The following FEZ1 variants were observed in gnomAD, a reference collection of about 807,000 sequenced individuals.
FEZ1 encodes the protein fasciculation and elongation protein zeta 1, also known as fasciculation and elongation protein zeta-1.
Under a neutral mutation model 49.3 loss-of-function variants are expected in FEZ1, and 20 were observed. That is an observed-to-expected ratio of 0.41 (90% CI 0.29 to 0.59). The LOEUF is 0.59. Among genes scored for constraint, FEZ1 ranks in the 20% least tolerant of loss-of-function variants. FEZ1 has a pLI of 0.36. For missense variants in FEZ1, 413 were observed against 476.0 expected, an observed-to-expected ratio of 0.87 and a Z score of 1.23; for synonymous variants, 170 against 180.9, an observed-to-expected ratio of 0.94 and a Z score of 0.48.
At position 125,444,389 on chromosome 11, in the gene FEZ1, C is replaced by G. The variant is rs969186789; in HGVS notation, c.*1706G>C. On this transcript the variant is annotated 3_prime_UTR_variant, in exon 10 of 10. Coordinates refer to ENST00000278919, the MANE Select transcript of FEZ1 (RefSeq NM_005103.5). ...TCGCCTGAGGTCGGGAGTTCGAGAC[C>G]AACCTGACCAACATGTAGAAACCTG... Among the ~76,000 whole-genome samples the G allele has an allele frequency of 1.3e-4, 20 of 152,156 alleles. No individual in the cohort carries two copies.
At chr11:125,456,155 C>T (rs763769811) in intron 5 of FEZ1, 49 bp from the exon 6 acceptor site, 2 of 1,516,738 alleles carry the variant, frequency 1.3e-6, no homozygotes, top group South Asian at 1.3e-5. Flanking sequence ...CACACCAGAG[C>T]CCGCTGGGGA....
intron 3 of FEZ1, among the ~76,000 whole-genome samples, chr11:125,471,958 T>C (rs1957187184): frequency 6.6e-6 from 1 of 152,118 alleles, no homozygotes; most frequent in African/African-American, 2.4e-5. Context: ...TTTAACAAGA[T>C]AGCTATAAAA....
chr11:125,455,973 C>A lies in FEZ1; in HGVS notation c.801G>T (p.Lys267Asn). 6.2e-7 allele frequency: 1 copy of A among 1,613,560 alleles called. No individual in the cohort carries two copies. Among genetic ancestry groups the A allele is most frequent in the Non-Finnish European group, 8.5e-7 (1 of 1,179,988 alleles). ...CAATAAGCACCGTGATAAAGGAGTT[C>A]TTCACTTCCTTCTCAAACTCCAGCT... ...RDELEFEKEV[K>N]NSFITVLIEV... The change falls in exon 6 of 10, where the codon AAG becomes AAT. Residue 267 changes from lysine (K) to asparagine (N), a missense_variant. By Grantham distance (94) the Lys-to-Asn change is moderately conservative. Coordinates refer to ENST00000278919, the MANE Select transcript of FEZ1 (RefSeq NM_005103.5).
At position 125,443,841 on chromosome 11, in the gene FEZ1, TA is replaced by T. The variant is rs956718771; in HGVS notation, c.*2253del. On this transcript the variant is annotated 3_prime_UTR_variant, in exon 10 of 10. Transcript: ENST00000278919. ...GAGTGTATCCCCAACACTCGAGATT[TA>T]TTTTTAACTCCCAGCAGCTTTGATT... Among the ~76,000 whole-genome samples, 29 of 152,334 alleles carry T rather than the reference TA, an allele frequency of 1.9e-4. No individual in the cohort carries two copies. Among genetic ancestry groups the T allele is most frequent in the African/African-American group, 6.7e-4 (28 of 41,576 alleles).
intron 3 of FEZ1, 24 bp downstream of exon 3, chr11:125,481,510 A>C (rs767028210): frequency 2.2e-5 from 30 of 1,393,024 alleles, no homozygotes; most frequent in Middle Eastern, 3.6e-4. Flanking sequence ...AAGCCCTGCT[A>C]AACCAGGGGC....
chr11:125,474,087 C>T (rs907398004), intron 3 of FEZ1, among the ~76,000 whole-genome samples: 3 of 150,866 alleles, frequency 2.0e-5, no homozygotes, highest in Middle Eastern at 3.4e-3. Flanking sequence ...TGCAATGGTG[C>T]AATCTCAACC....
rs1357727387 is a variant in FEZ1, at chr11:125,445,069, A to ATACG, written c.*1022_*1025dup. On this transcript the variant is annotated 3_prime_UTR_variant, in exon 10 of 10. Coordinates refer to ENST00000278919, the MANE Select transcript of FEZ1 (RefSeq NM_005103.5). The surrounding 1 kb of genome is among the most constrained non-coding windows in gnomAD (Gnocchi z 4.4). ...TGGTGAGATCGAGCCAGCATCCGGG[A>ATACG]TACGAGGAGACCTTCGCCTGCTGGT... is the stretch of plus-strand genomic sequence containing the variant. 6.6e-6 allele frequency among the ~76,000 whole-genome samples: 1 copy of ATACG among 152,170 alleles called. No homozygotes were observed. Among genetic ancestry groups the ATACG allele is most frequent in the African/African-American group, 2.4e-5 (1 of 41,426 alleles).
At chr11:125,483,263 A>G (rs942818716) in intron 2 of FEZ1, among the ~76,000 whole-genome samples, 4 of 152,186 alleles carry the variant, frequency 2.6e-5, no homozygotes, top group Admixed American at 1.3e-4. Context: ...TTTAAAAGCA[A>G]AAAGACTTTC....
chr11:125,479,356 A>C (rs987081066), intron 3 of FEZ1, among the ~76,000 whole-genome samples: 4 of 152,330 alleles, frequency 2.6e-5, no homozygotes, highest in South Asian at 2.1e-4. Context: ...ATTCTGAAAC[A>C]CTTAGAAAGA....
At chr11:125,458,901 A>G (rs936299299) in intron 5 of FEZ1, among the ~76,000 whole-genome samples, 1 of 151,820 alleles carries the variant, frequency 6.6e-6, no homozygotes, top group Non-Finnish European at 1.5e-5. Flanking sequence ...CCTCATCTCT[A>G]CTAAGAATAT....
Position 125,488,171 on chromosome 11 carries a change from T to C in FEZ1, c.311+1296A>G, listed in dbSNP as rs141837904. The stretch of plus-strand genomic sequence containing the variant: ...TTATCTGCTGTACAGTACAATGAAA[T>C]ATTTTGAAAGAGAGAGAGAAAGAGA... On this transcript the variant is annotated intron_variant, in intron 2 of 9. Coordinates refer to ENST00000278919, the MANE Select transcript of FEZ1 (RefSeq NM_005103.5). 7.0e-3 allele frequency among the ~76,000 whole-genome samples: 1,060 copies of C among 152,290 alleles called. 45 individuals are homozygous for C. Among genetic ancestry groups the C allele is most frequent in the Admixed American group, 0.061 (936 of 15,296 alleles).
chr11:125,452,610 T>C, intron 7 of FEZ1: 1 of 542,696 alleles, frequency 1.8e-6, no homozygotes. Context: ...CACATTTCTC[T>C]CCATCCCAAC....
At chr11:125,474,127 C>A (rs2135767546) in intron 3 of FEZ1, among the ~76,000 whole-genome samples, 1 of 151,162 alleles carries the variant, frequency 6.6e-6, no homozygotes, top group East Asian at 2.0e-4. Flanking sequence ...CGGGTTCAAG[C>A]AATTCTCTTG....
intron 3 of FEZ1, among the ~76,000 whole-genome samples, chr11:125,478,702 C>T (rs929127487): frequency 7.2e-5 from 11 of 152,172 alleles, no homozygotes; most frequent in African/African-American, 2.7e-4. Context: ...CTACCCTGTC[C>T]TTTTCCCATG....
intron 2 of FEZ1, among the ~76,000 whole-genome samples, chr11:125,483,446 C>T (rs1426271916): frequency 1.3e-5 from 2 of 152,180 alleles, no homozygotes; most frequent in African/African-American, 2.4e-5. Flanking sequence ...AGCAGGATTT[C>T]AGAGCAGACT....
rs1433442378 is a variant in FEZ1, at chr11:125,443,473, C to A, written c.*2622G>T. 1.3e-5 allele frequency among the ~76,000 whole-genome samples: 2 copies of A among 152,178 alleles called. No homozygotes were observed. The highest frequency in any genetic ancestry group is 4.8e-5 in the African/African-American group (2 of 41,434). The stretch of plus-strand genomic sequence containing the variant: ...AAATACAAGTTGCAGGGAGATTTAG[C>A]TTAATACGTAGTAGAGCTGCATTTG... On this transcript the variant is annotated 3_prime_UTR_variant, in exon 10 of 10. Transcript: ENST00000278919.
intron 1 of FEZ1, among the ~76,000 whole-genome samples, chr11:125,492,786 C>T (rs1957393846): frequency 6.6e-6 from 1 of 152,150 alleles, no homozygotes; most frequent in South Asian, 2.1e-4. Flanking sequence ...ATATAGAAAG[C>T]ATCCAATAAA....
chr11:125,474,191 ATTT>A (rs34135138), intron 3 of FEZ1, among the ~76,000 whole-genome samples: 17,840 of 128,528 alleles, frequency 0.14, 1,390 homozygotes, highest in Admixed American at 0.3. Context: ...TGCCAGGCTA[ATTT>A]TTTTTTTTTT....
chr11:125,452,628 T>C (rs1020980427), intron 7 of FEZ1: 4 of 530,360 alleles, frequency 7.5e-6, no homozygotes, highest in African/African-American at 3.8e-5. Flanking sequence ...AACTTCTAGA[T>C]TCTTCCTACA....
Sources: allele counts gnomAD v4.1 joint callset (sites outside exome capture counted in the v4.1 genomes callset), GRCh38; gene constraint gnomAD v4.1.1; non-coding constraint Gnocchi (gnomAD v3.1); transcripts MANE v1.5; gene names NCBI Gene and HGNC (gene_info 2026-07-23, HGNC 2026-07-21).